The following ADAM2 variants were observed in gnomAD, a reference collection of about 807,000 sequenced individuals.
ADAM2 encodes disintegrin and metalloproteinase domain-containing protein 2.
A neutral mutation model predicts 99.3 loss-of-function variants in ADAM2; 101 were observed. That is an observed-to-expected ratio of 1.02 (90% confidence interval 0.87 to 1.20). The LOEUF (loss-of-function observed/expected upper bound fraction) is 1.20. ADAM2 is among the 50% of genes most tolerant of loss of function. The pLI is 0.00. For missense variants in ADAM2, 948 were observed against 878.7 expected (o/e 1.08, Z -1.00); for synonymous variants, 323 against 287.6 (o/e 1.12, Z -1.25).
chr8:39,829,951 A>G (rs145010318), intron 3 of ADAM2, among the ~76,000 whole-genome samples: 20 of 152,266 alleles, frequency 1.3e-4, no homozygotes, highest in African/African-American at 4.6e-4. Context: ...TAAATTCTAA[A>G]TAAAATCAGA....
At chr8:39,760,212 A>G (rs1802296569) in intron 15 of ADAM2, among the ~76,000 whole-genome samples, 1 of 152,098 alleles carries the variant, frequency 6.6e-6, no homozygotes, top group African/African-American at 2.4e-5. Flanking sequence ...AATAGTTAGC[A>G]CTCATATAGT....
intron 7 of ADAM2, among the ~76,000 whole-genome samples, chr8:39,799,251 T>C (rs1263422888): frequency 2.0e-5 from 3 of 152,226 alleles, no homozygotes; most frequent in Non-Finnish European, 4.4e-5. Flanking sequence ...TTGTTCTTAC[T>C]GGTTTCCAAG....
intron 10 of ADAM2, among the ~76,000 whole-genome samples, chr8:39,785,348 A>G (rs573808786): frequency 6.6e-6 from 1 of 152,218 alleles, no homozygotes; most frequent in African/African-American, 2.4e-5. Flanking sequence ...AACGGCTCTT[A>G]TTACAAAATA....
At chr8:39,818,771 T>C (rs55963524) in intron 6 of ADAM2, among the ~76,000 whole-genome samples, 5,477 of 152,050 alleles carry the variant, frequency 0.036, 232 homozygotes, top group African/African-American at 0.1. Context: ...ATACTAATAA[T>C]GAGAAATCCA....
At chr8:39,819,985 A>G (rs1446644364) in intron 6 of ADAM2, among the ~76,000 whole-genome samples, 2 of 152,128 alleles carry the variant, frequency 1.3e-5, no homozygotes, top group African/African-American at 4.8e-5. Flanking sequence ...TTTGCCTTCT[A>G]CTTTGACTAG....
chr8:39,778,970 T>A (rs1268749606), intron 10 of ADAM2, among the ~76,000 whole-genome samples: 1 of 152,122 alleles, frequency 6.6e-6, no homozygotes, highest in African/African-American at 2.4e-5. Flanking sequence ...AACAACAAGA[T>A]CCAGTGATTT....
At chr8:39,829,903 A>G (rs1484381744) in intron 3 of ADAM2, among the ~76,000 whole-genome samples, 1 of 152,120 alleles carries the variant, frequency 6.6e-6, no homozygotes, top group African/African-American at 2.4e-5. Flanking sequence ...ATTTAGAGTT[A>G]GAAAACAGAC....
chr8:39,802,355 G>A (rs760448544), intron 7 of ADAM2, among the ~76,000 whole-genome samples: 7 of 152,162 alleles, frequency 4.6e-5, no homozygotes, highest in Non-Finnish European at 1.0e-4. Context: ...TGCCGCTGAA[G>A]GATTCACAAG....
intron 7 of ADAM2, 134 bp downstream of exon 7, chr8:39,809,276 A>C: frequency 1.8e-6 from 1 of 551,254 alleles, no homozygotes; most frequent in African/African-American, 2.0e-5. Context: ...TACTGATATT[A>C]ATAATTTAAA....
intron 4 of ADAM2, among the ~76,000 whole-genome samples, chr8:39,821,921 A>G (rs1805204073): frequency 6.6e-6 from 1 of 152,194 alleles, no homozygotes; most frequent in African/African-American, 2.4e-5. Context: ...GAATGAGGTA[A>G]ACATCATCAA....
Position 39,833,975 on chromosome 8 carries a change from CTTCAATTACAATTTTGTA to C in ADAM2, c.139_156del (p.Tyr47_Glu52del). 6.4e-7 allele frequency: 1 copy of C among 1,572,854 alleles called. No individual in the cohort carries two copies. Among genetic ancestry groups the C allele is most frequent in the Non-Finnish European group, 8.7e-7 (1 of 1,146,268 alleles). ...ATTAAATTCACAGTATATGGTTTCCCTTCAATTACAATTTTGTAGGATGCCTGGCAGGAGAGCACAGTA... is the reference window on the plus strand; with the variant it reads ...ATTAAATTCACAGTATATGGTTTCCCGGATGCCTGGCAGGAGAGCACAGTA... On this transcript the variant is annotated inframe_deletion, in exon 3 of 21. Coordinates refer to ENST00000265708, the MANE Select transcript of ADAM2 (RefSeq NM_001464.5).
chr8:39,786,898 ATAAAAAT>A, intron 10 of ADAM2, 69 bp downstream of exon 10: 3 of 1,148,754 alleles, frequency 2.6e-6, no homozygotes, highest in Non-Finnish European at 3.7e-6. Flanking sequence ...TTTAATACAC[ATAAAAAT>A]TAAATATGAA....
intron 7 of ADAM2, among the ~76,000 whole-genome samples, chr8:39,802,357 A>G (rs1804252800): frequency 6.6e-6 from 1 of 152,094 alleles, no homozygotes; most frequent in Non-Finnish European, 1.5e-5. Flanking sequence ...CCGCTGAAGG[A>G]TTCACAAGCC....
At chr8:39,755,630 C>A in intron 16 of ADAM2, 98 bp downstream of exon 16, 1 of 862,244 alleles carries the variant, frequency 1.2e-6, no homozygotes, top group Non-Finnish European at 1.8e-6. Flanking sequence ...GCAGAGATCA[C>A]ACCACTGCAC....
intron 7 of ADAM2, among the ~76,000 whole-genome samples, chr8:39,801,570 A>G (rs1315911620): frequency 2.6e-5 from 4 of 152,096 alleles, no homozygotes; most frequent in Non-Finnish European, 5.9e-5. Context: ...TACTAGGGGG[A>G]AACCCATTCA....
At chr8:39,774,208 A>C (rs1802897423) in intron 11 of ADAM2, among the ~76,000 whole-genome samples, 2 of 151,984 alleles carry the variant, frequency 1.3e-5, no homozygotes, top group Admixed American at 6.6e-5. Context: ...CCTTCAGTTA[A>C]TGTATTTATT....
intron 7 of ADAM2, among the ~76,000 whole-genome samples, chr8:39,792,039 A>G (rs1354079932): frequency 6.6e-6 from 1 of 151,896 alleles, no homozygotes; most frequent in Non-Finnish European, 1.5e-5. Context: ...AGTGAAGAAT[A>G]CTATAAAATA....
At chr8:39,748,436 G>A (rs974775936) in intron 18 of ADAM2, among the ~76,000 whole-genome samples, 71 of 152,192 alleles carry the variant, frequency 4.7e-4, no homozygotes, top group African/African-American at 1.6e-3. Context: ...TAATTACAAA[G>A]TTTTAAACTT....
chr8:39,822,752 T>G (rs191613468), intron 4 of ADAM2, among the ~76,000 whole-genome samples: 145 of 152,046 alleles, frequency 9.5e-4, no homozygotes, highest in African/African-American at 2.7e-3. Flanking sequence ...GTCTGTTTTT[T>G]TTTTGTTTTG....
Sources: allele counts gnomAD v4.1 joint callset (sites outside exome capture counted in the v4.1 genomes callset), GRCh38; gene constraint gnomAD v4.1.1; transcripts MANE v1.5; gene names NCBI Gene and HGNC (gene_info 2026-07-23, HGNC 2026-07-21).